CDH8: variants seen among roughly 807,000 people sequenced by gnomAD.
CDH8 encodes cadherin-8.
Under a neutral mutation model 68.1 loss-of-function variants are expected in CDH8, and 17 were observed. The ratio of observed to expected loss-of-function variants is 0.25; its 90% CI spans 0.17 to 0.37. The LOEUF is 0.37. Among genes scored for constraint, CDH8 ranks in the 10% least tolerant of loss-of-function variants. The pLI, the probability that CDH8 is intolerant of heterozygous loss-of-function variation, is 1.00. For missense variants in CDH8, 763 were observed against 999.3 expected (o/e 0.76, Z 3.19); for synonymous variants, 372 against 365.1 (o/e 1.02, Z -0.21).
chr16:61,702,482 T>C (rs1197046872), intron 10 of CDH8, among the ~76,000 whole-genome samples: 2 of 152,152 alleles, frequency 1.3e-5, no homozygotes, highest in Non-Finnish European at 2.9e-5. Context: ...GTCAGATACA[T>C]AGAGTCAAAA....
At chr16:62,000,910 T>C (rs909827413) in intron 2 of CDH8, among the ~76,000 whole-genome samples, 4 of 152,186 alleles carry the variant, frequency 2.6e-5, no homozygotes, top group Non-Finnish European at 1.5e-5. Flanking sequence ...TAATAAAAAT[T>C]TGCATTATCA....
At chr16:61,714,881 C>T (rs1299550107) in intron 9 of CDH8, among the ~76,000 whole-genome samples, 1 of 151,456 alleles carries the variant, frequency 6.6e-6, no homozygotes, top group East Asian at 1.9e-4. Flanking sequence ...ATAATGATGT[C>T]AATGCTATTG....
chr16:61,918,553 C>G (rs935547065), intron 2 of CDH8: 2 of 152,912 alleles, frequency 1.3e-5, no homozygotes, highest in Non-Finnish European at 2.9e-5. Context: ...AAAGGGGTGA[C>G]AGACGGCACC....
chr16:61,665,753 T>TTCCG, intron 10 of CDH8, among the ~76,000 whole-genome samples: 1 of 8,122 alleles, frequency 1.2e-4, no homozygotes, highest in Non-Finnish European at 2.6e-4. Flanking sequence ...TGAATTTATT[T>TTCCG]TCCTTCCTTC....
At chr16:61,882,263 TA>T (rs1395003308) in intron 3 of CDH8, among the ~76,000 whole-genome samples, 31 of 152,224 alleles carry the variant, frequency 2.0e-4, no homozygotes, top group Non-Finnish European at 4.1e-4. Context: ...ATCCAATATT[TA>T]AAATAATCAT....
intron 2 of CDH8, among the ~76,000 whole-genome samples, chr16:61,917,016 A>T (rs1964249222): frequency 6.6e-6 from 1 of 151,850 alleles, no homozygotes; most frequent in African/African-American, 2.4e-5. Context: ...TTGTGCTAGG[A>T]TAAAGTCTTG....
At chr16:61,800,827 T>A (rs1310900723) in intron 7 of CDH8, among the ~76,000 whole-genome samples, 1 of 150,754 alleles carries the variant, frequency 6.6e-6, no homozygotes, top group Admixed American at 6.6e-5. Context: ...ATTGTCCTTA[T>A]CAAAAGCAAA....
chr16:61,736,271 C>A (rs544205473), intron 8 of CDH8, among the ~76,000 whole-genome samples: 1 of 152,088 alleles, frequency 6.6e-6, no homozygotes, highest in African/African-American at 2.4e-5. Context: ...AATGGTGGGA[C>A]TATCCTGAGA....
chr16:61,711,937 A>G (rs1421466869), intron 10 of CDH8, among the ~76,000 whole-genome samples: 2 of 151,716 alleles, frequency 1.3e-5, no homozygotes, highest in Non-Finnish European at 3.0e-5. Context: ...ATCATGATGT[A>G]TGGAGTACTC....
intron 10 of CDH8, among the ~76,000 whole-genome samples, chr16:61,703,429 TTTAGC>T (rs1464076357): frequency 6.6e-6 from 1 of 152,234 alleles, no homozygotes; most frequent in Non-Finnish European, 1.5e-5. Context: ...TTTGTACAAC[TTTAGC>T]TTACCAACAT....
At chr16:61,784,890 T>G (rs982854494) in intron 8 of CDH8, among the ~76,000 whole-genome samples, 202 of 152,096 alleles carry the variant, frequency 1.3e-3, no homozygotes, top group African/African-American at 3.7e-3. Context: ...TAAAACCAAC[T>G]AGAACAAAGA....
intron 10 of CDH8, among the ~76,000 whole-genome samples, chr16:61,690,324 T>C (rs77044344): frequency 6.6e-6 from 1 of 152,048 alleles, no homozygotes; most frequent in East Asian, 1.9e-4. Flanking sequence ...ACTACTGGCT[T>C]TCTGAAACCG....
At chr16:61,693,620 T>A (rs193072758) in intron 10 of CDH8, 8 of 152,304 alleles carry the variant, frequency 5.3e-5, no homozygotes, top group Non-Finnish European at 1.5e-5. Context: ...TAAAATCTTG[T>A]TGTTGTTATT....
chr16:61,966,921 T>C lies in CDH8; in HGVS notation c.252+54231A>G, dbSNP rs950585589. Among the ~76,000 whole-genome samples the C allele has an allele frequency of 2.0e-5, 3 of 152,216 alleles. No individual in the cohort carries two copies. The South Asian group carries it at 6.2e-4, about 32-fold the overall frequency. On this transcript the variant is annotated intron_variant, in intron 2 of 11. Transcript: ENST00000577390. ...AATTTCACTTTAAAGAAGAGGAACATGGGCCAGGCATGGTGGCTCACACCT... is the reference window on the plus strand; with the variant it reads ...AATTTCACTTTAAAGAAGAGGAACACGGGCCAGGCATGGTGGCTCACACCT...
intron 7 of CDH8, among the ~76,000 whole-genome samples, chr16:61,791,028 T>G (rs1961365101): frequency 2.6e-5 from 4 of 151,980 alleles, no homozygotes; most frequent in African/African-American, 9.7e-5. Context: ...ATTAAAATAT[T>G]TGGAATAATA....
chr16:61,703,664 C>G (rs1229959546), intron 10 of CDH8, among the ~76,000 whole-genome samples: 2 of 152,008 alleles, frequency 1.3e-5, no homozygotes, highest in East Asian at 1.9e-4. Context: ...CACAGTGAAA[C>G]GCCGTCTCTA....
In CDH8 at chr16:61,653,258, T is replaced by C. The variant is rs1963364765; in HGVS notation, c.*350A>G. On this transcript the variant is annotated 3_prime_UTR_variant, in exon 12 of 12. Coordinates refer to ENST00000577390, the MANE Select transcript of CDH8 (RefSeq NM_001796.5). ...TTCCTTGCAGGTCCGTATTTTTTTTTCTAAGAAAGCACCTTTTAATTATGA... is the reference window on the plus strand; with the variant it reads ...TTCCTTGCAGGTCCGTATTTTTTTTCCTAAGAAAGCACCTTTTAATTATGA... 8.5e-7 allele frequency: 1 copy of C among 1,172,914 alleles called. No homozygotes were observed. The highest frequency in any genetic ancestry group is 1.0e-6 in the Non-Finnish European group (1 of 952,580). The allele number at this position is 1,172,914 out of a possible 1,614,324, so 72.7% of individuals were successfully genotyped here.
chr16:61,955,996 C>A (rs1964981651), intron 2 of CDH8, among the ~76,000 whole-genome samples: 1 of 152,276 alleles, frequency 6.6e-6, no homozygotes, highest in South Asian at 2.1e-4. Flanking sequence ...AATTCAAATA[C>A]CTTTATTTAC....
chr16:61,784,101 G>A, intron 8 of CDH8, among the ~76,000 whole-genome samples: 1 of 150,718 alleles, frequency 6.6e-6, no homozygotes, highest in African/African-American at 2.4e-5. Flanking sequence ...AACTTTAAAT[G>A]TAAATGGACT....
Sources: gnomAD v4.1 joint callset for allele counts (sites outside exome capture counted in the v4.1 genomes callset) on GRCh38, gnomAD v4.1.1 for gene constraint, MANE v1.5 for transcripts, NCBI Gene and HGNC (gene_info 2026-07-23, HGNC 2026-07-21) for gene names.